ARHGAP42: variants seen among roughly 807,000 people sequenced by gnomAD.
ARHGAP42 encodes the protein rho GTPase-activating protein 42.
ARHGAP42 carries 63 observed loss-of-function variants against 125.0 expected under a neutral mutation model. That is an observed-to-expected ratio of 0.50 (90% CI 0.41 to 0.62). The LOEUF is 0.62. Among genes scored for constraint, ARHGAP42 ranks in the 20% least tolerant of loss-of-function variants. The pLI, the probability that ARHGAP42 is intolerant of heterozygous loss-of-function variation, is 0.00. For synonymous variants in ARHGAP42, 339 were observed against 351.0 expected, an observed-to-expected ratio of 0.97 and a Z score of 0.38; for missense variants, 766 against 1,024.2, an observed-to-expected ratio of 0.75 and a Z score of 3.44.
Position 100,776,099 on chromosome 11 carries a change from C to T in ARHGAP42, c.250+5661C>T, listed in dbSNP as rs181012754. 1.5e-4 allele frequency among the ~76,000 whole-genome samples: 22 copies of T among 150,730 alleles called. No homozygotes were observed. In the East Asian group the frequency reaches 3.7e-3, roughly 25 times the overall value. ...GCTTGAACCTGGGAGGGGGTTGTTGCGGTGAGCTGAGATCGTGCCATTGCA... is the reference window on the plus strand; with the variant it reads ...GCTTGAACCTGGGAGGGGGTTGTTGTGGTGAGCTGAGATCGTGCCATTGCA... On this transcript the variant is annotated intron_variant, in intron 2 of 23. Transcript: ENST00000298815.
In ARHGAP42 at chr11:100,940,617, C is replaced by T. The variant is rs1867854941; in HGVS notation, c.833-1167C>T. 2.0e-5 allele frequency among the ~76,000 whole-genome samples: 3 copies of T among 152,152 alleles called. No homozygotes were observed. In the South Asian group the frequency reaches 6.2e-4, roughly 32 times the overall value. The stretch of plus-strand genomic sequence containing the variant: ...TTGGGGGAAAAGAAAGTGAACATTA[C>T]ACATACAAGTTTCTTCTCATATAAA... On this transcript the variant is annotated intron_variant, in intron 8 of 23. Coordinates refer to ENST00000298815, the MANE Select transcript of ARHGAP42 (RefSeq NM_152432.4).
chr11:100,912,024 C>T (rs1330695887), intron 4 of ARHGAP42, among the ~76,000 whole-genome samples: 1 of 152,108 alleles, frequency 6.6e-6, no homozygotes, highest in African/African-American at 2.4e-5. Context: ...CTTTTCAGCT[C>T]AATTTTACCA....
intron 22 of ARHGAP42, among the ~76,000 whole-genome samples, chr11:100,982,155 A>G (rs757143370): frequency 1.1e-4 from 17 of 152,234 alleles, no homozygotes; most frequent in Non-Finnish European, 2.1e-4. Context: ...ACGTTCAGAC[A>G]GAGAAGAATG....
At chr11:100,914,463 AAAT>A (rs1867010339) in intron 5 of ARHGAP42, among the ~76,000 whole-genome samples, 1 of 150,676 alleles carries the variant, frequency 6.6e-6, no homozygotes, top group Non-Finnish European at 1.5e-5. Flanking sequence ...TGTCCAAAAA[AAAT>A]AAATAAATAA....
chr11:100,804,712 C>T (rs1453955556), intron 3 of ARHGAP42, among the ~76,000 whole-genome samples: 2 of 152,006 alleles, frequency 1.3e-5, no homozygotes, highest in Non-Finnish European at 2.9e-5. Flanking sequence ...TGGGGTTTCA[C>T]TATGTTGGCC....
intron 4 of ARHGAP42, among the ~76,000 whole-genome samples, chr11:100,871,545 TAAAAA>T (rs35883788): frequency 3.1e-5 from 4 of 127,802 alleles, no homozygotes; most frequent in East Asian, 2.3e-4. Context: ...GACTGTTTCT[TAAAAA>T]AAAAAAAAAA....
At chr11:100,851,772 C>T (rs1180768548) in intron 3 of ARHGAP42, among the ~76,000 whole-genome samples, 1 of 152,174 alleles carries the variant, frequency 6.6e-6, no homozygotes, top group Non-Finnish European at 1.5e-5. Context: ...TGCGTAATTA[C>T]GTATTTGGCT....
At chr11:100,893,247 A>G (rs555319371) in intron 4 of ARHGAP42, among the ~76,000 whole-genome samples, 12 of 151,426 alleles carry the variant, frequency 7.9e-5, no homozygotes, top group African/African-American at 2.9e-4. Context: ...TTTCAGCATT[A>G]TGTTATTGTA....
chr11:100,890,847 A>C (rs914745029), intron 4 of ARHGAP42, among the ~76,000 whole-genome samples: 2 of 152,152 alleles, frequency 1.3e-5, no homozygotes, highest in African/African-American at 4.8e-5. Context: ...TAGCTAAAAT[A>C]GTATCGTGTT....
chr11:100,893,021 C>T (rs1399006891), intron 4 of ARHGAP42, among the ~76,000 whole-genome samples: 1 of 152,286 alleles, frequency 6.6e-6, no homozygotes, highest in East Asian at 1.9e-4. Context: ...TTATTTCCTT[C>T]ACCTTGGATT....
At chr11:100,938,463 T>C (rs1354095070) in intron 8 of ARHGAP42, among the ~76,000 whole-genome samples, 4 of 152,190 alleles carry the variant, frequency 2.6e-5, no homozygotes, top group African/African-American at 7.2e-5. Context: ...AATTTCCATC[T>C]TGATTTGATC....
intron 3 of ARHGAP42, among the ~76,000 whole-genome samples, chr11:100,803,385 A>C (rs1863912048): frequency 6.6e-6 from 1 of 152,144 alleles, no homozygotes. Flanking sequence ...AATGGGTGAG[A>C]TCACCCAGGC....
chr11:100,906,630 T>G (rs12796850), intron 4 of ARHGAP42, among the ~76,000 whole-genome samples: 35,831 of 152,018 alleles, frequency 0.24, 4,672 homozygotes, highest in Middle Eastern at 0.36. Flanking sequence ...TTTTTGGCAA[T>G]TCTCTTGATT....
chr11:100,934,026 A>G (rs1377468030), intron 7 of ARHGAP42, among the ~76,000 whole-genome samples: 1 of 152,144 alleles, frequency 6.6e-6, no homozygotes, highest in Admixed American at 6.5e-5. Context: ...ACCTCAGGTG[A>G]TCCACCCGCC....
chr11:100,731,954 TC>T (rs1453536276), intron 1 of ARHGAP42, among the ~76,000 whole-genome samples: 3 of 150,818 alleles, frequency 2.0e-5, no homozygotes, highest in Non-Finnish European at 3.0e-5. Context: ...CTTTTTTTTT[TC>T]TTTTTCTTTT....
At chr11:100,931,700 A>G (rs184903985) in intron 6 of ARHGAP42, among the ~76,000 whole-genome samples, 1 of 152,300 alleles carries the variant, frequency 6.6e-6, no homozygotes, top group Non-Finnish European at 1.5e-5. Flanking sequence ...TCAGAAGACT[A>G]CTGTTTTATA....
At chr11:100,751,385 C>T (rs1472975949) in intron 1 of ARHGAP42, among the ~76,000 whole-genome samples, 7 of 149,192 alleles carry the variant, frequency 4.7e-5, no homozygotes, top group Non-Finnish European at 5.9e-5. Context: ...TGGGTTCAAG[C>T]GATTCTCCTG....
At chr11:100,871,990 A>G (rs1374481319) in intron 4 of ARHGAP42, among the ~76,000 whole-genome samples, 1 of 152,102 alleles carries the variant, frequency 6.6e-6, no homozygotes, top group African/African-American at 2.4e-5. Flanking sequence ...TGATCCGCCC[A>G]CCTCAGCCTC....
intron 1 of ARHGAP42, among the ~76,000 whole-genome samples, chr11:100,740,066 ATTT>A (rs34223817): frequency 2.1e-5 from 3 of 143,486 alleles, no homozygotes; most frequent in East Asian, 2.1e-4. Context: ...TATTAGTACA[ATTT>A]TTTTTTTTTT....
Sources: gnomAD v4.1 joint callset for allele counts (sites outside exome capture counted in the v4.1 genomes callset) on GRCh38, gnomAD v4.1.1 for gene constraint, MANE v1.5 for transcripts, NCBI Gene and HGNC (gene_info 2026-07-23, HGNC 2026-07-21) for gene names.